KCMF1: variants seen among roughly 807,000 people sequenced by gnomAD.
KCMF1 encodes potassium channel modulatory factor 1, also known as E3 ubiquitin-protein ligase KCMF1.
A neutral mutation model predicts 41.1 loss-of-function variants in KCMF1; 3 were observed. The observed-to-expected ratio is 0.07, with a 90% confidence interval of 0.03 to 0.19. The LOEUF is 0.19. KCMF1 is among the 10% of genes least tolerant of loss of function. The pLI, the probability that KCMF1 is intolerant of heterozygous loss-of-function variation, is 1.00. For missense variants in KCMF1, 286 were observed against 488.9 expected, an observed-to-expected ratio of 0.58 and a Z score of 3.91; for synonymous variants, 142 against 164.5, an observed-to-expected ratio of 0.86 and a Z score of 1.04.
intron 1 of KCMF1, among the ~76,000 whole-genome samples, chr2:84,973,825 C>CTTTTTTTTTTTTTTTTTTTTTTTTT (rs1238178193): frequency 1.1e-4 from 12 of 110,270 alleles, no homozygotes; most frequent in South Asian, 2.8e-4. Flanking sequence ...TTATTTCTTT[C>CTTTTTTTTTTTTTTTTTTTTTTTTT]TTTTTTTTTT....
intron 2 of KCMF1, among the ~76,000 whole-genome samples, chr2:85,028,879 A>G (rs1222180400): frequency 1.3e-5 from 2 of 152,226 alleles, no homozygotes; most frequent in African/African-American, 4.8e-5. Context: ...ACAACTGACA[A>G]GGAATGAAAT....
At position 85,058,889 on chromosome 2, in the gene KCMF1, G is replaced by A. The variant is rs1214336273; in HGVS notation, c.*5480G>A. On this transcript the variant is annotated 3_prime_UTR_variant, in exon 7 of 7. Transcript: ENST00000409785. Reference sequence around the variant, plus strand: ...ATTTAATAGTGAAGCCAGCCCAGAAGCATCCTCTTCTGTAAGCTGGATGGA... The same window carrying A: ...ATTTAATAGTGAAGCCAGCCCAGAAACATCCTCTTCTGTAAGCTGGATGGA... 6.6e-6 allele frequency: 1 copy of A among 152,144 alleles called. No individual in the cohort carries two copies. Among genetic ancestry groups the A allele is most frequent in the Non-Finnish European group, 1.5e-5 (1 of 68,028 alleles). The allele number at this position is 152,144 out of a possible 1,614,324, so 9.4% of individuals were successfully genotyped here.
In KCMF1 at chr2:85,053,253, T is replaced by G; in HGVS notation, c.990T>G (p.Arg330=). ...VQELLLSTLV[R]EESSSSDEDD... is the part of the protein sequence containing the mutation. ...AGCTCCTTCTGTCCACTTTAGTGCG[T>G]GAAGAGAGCTCATCCTCAGATGAGG... Residue 330 remains arginine (R), a synonymous_variant, in exon 7 of 7, where the codon CGT becomes CGG. Coordinates refer to ENST00000409785, the MANE Select transcript of KCMF1 (RefSeq NM_020122.5). 6.2e-7 allele frequency: 1 copy of G among 1,613,906 alleles called. No homozygotes were observed. Among genetic ancestry groups the G allele is most frequent in the African/African-American group, 1.3e-5 (1 of 74,994 alleles).
intron 3 of KCMF1, among the ~76,000 whole-genome samples, chr2:85,037,078 A>C (rs1675422127): frequency 6.6e-6 from 1 of 150,844 alleles, no homozygotes; most frequent in Admixed American, 6.6e-5. Context: ...AAAATTAAAT[A>C]CCCACCACCT....
chr2:85,008,370 CATATGATATATTAT>C (rs1574021382), intron 1 of KCMF1, among the ~76,000 whole-genome samples: 1 of 8,482 alleles, frequency 1.2e-4, no homozygotes, highest in Non-Finnish European at 4.4e-4. Context: ...TATTATATAT[CATATGATATATTAT>C]ATATGATATA....
chr2:85,032,406 C>T (rs759865912), intron 2 of KCMF1, among the ~76,000 whole-genome samples: 4 of 149,948 alleles, frequency 2.7e-5, no homozygotes, highest in Non-Finnish European at 5.9e-5. Context: ...GACAGAGTTT[C>T]GCTCTTGTCA....
intron 1 of KCMF1, among the ~76,000 whole-genome samples, chr2:84,973,825 CTTTT>C (rs1238178193): frequency 3.6e-5 from 4 of 110,278 alleles, no homozygotes; most frequent in Non-Finnish European, 5.6e-5. Context: ...TTATTTCTTT[CTTTT>C]TTTTTTTTTT....
At chr2:84,994,147 A>G (rs1202536781) in intron 1 of KCMF1, among the ~76,000 whole-genome samples, 1 of 150,826 alleles carries the variant, frequency 6.6e-6, no homozygotes, top group Admixed American at 6.6e-5. Context: ...GCGAGGTTTC[A>G]CCATGTTAGC....
chr2:85,043,672 T>A lies in KCMF1; in HGVS notation c.426+7T>A, dbSNP rs1210912841. 6.6e-7 allele frequency: 1 copy of A among 1,526,038 alleles called. No individual in the cohort carries two copies. Among genetic ancestry groups the A allele is most frequent in the Admixed American group, 1.7e-5 (1 of 59,428 alleles). The allele number at this position is 1,526,038 out of a possible 1,614,324, so 94.5% of individuals were successfully genotyped here. The stretch of plus-strand genomic sequence containing the variant: ...CAGAGCCCCTAGAGATTTAATATCC[T>A]TTTAAGAGATGACAAGGAAAAGAGT... On this transcript the variant is annotated splice_region_variant and intron_variant, in intron 4 of 6. Transcript: ENST00000409785.
At chr2:85,017,770 A>G (rs952354287) in intron 1 of KCMF1, among the ~76,000 whole-genome samples, 1 of 152,164 alleles carries the variant, frequency 6.6e-6, no homozygotes, top group Admixed American at 6.5e-5. Flanking sequence ...AACTAATTTT[A>G]TTAAAAAGTA....
intron 1 of KCMF1, among the ~76,000 whole-genome samples, chr2:85,025,299 T>G (rs1675071261): frequency 6.6e-6 from 1 of 152,246 alleles, no homozygotes; most frequent in African/African-American, 2.4e-5. Context: ...TATCTTTGGT[T>G]AGATTTATTC....
intron 1 of KCMF1, among the ~76,000 whole-genome samples, chr2:85,009,223 G>A (rs558035589): frequency 2.0e-5 from 3 of 152,112 alleles, no homozygotes; most frequent in Admixed American, 1.3e-4. Context: ...TTCCCCTTTC[G>A]TGCTGTCTCT....
chr2:85,033,623 T>A (rs758647056), intron 2 of KCMF1, among the ~76,000 whole-genome samples: 4 of 152,104 alleles, frequency 2.6e-5, no homozygotes, highest in Non-Finnish European at 5.9e-5. Flanking sequence ...GGGAGCTAAT[T>A]CAGTCCTGAG....
At chr2:85,028,702 G>A (rs1017411084) in intron 2 of KCMF1, among the ~76,000 whole-genome samples, 1 of 151,452 alleles carries the variant, frequency 6.6e-6, no homozygotes, top group Non-Finnish European at 1.5e-5. Context: ...TGTTAACCAG[G>A]CTGGTCTTGA....
chr2:84,976,723 A>G (rs1399920440), intron 1 of KCMF1, among the ~76,000 whole-genome samples: 1 of 151,922 alleles, frequency 6.6e-6, no homozygotes, highest in Non-Finnish European at 1.5e-5. Flanking sequence ...GAAGATTTTC[A>G]CATGTAAAAA....
intron 2 of KCMF1, among the ~76,000 whole-genome samples, chr2:85,033,722 T>C (rs1021815591): frequency 6.6e-6 from 1 of 152,172 alleles, no homozygotes; most frequent in African/African-American, 2.4e-5. Context: ...CACCACCACA[T>C]TGGAGATGAA....
At chr2:85,009,531 G>GA (rs1217246394) in intron 1 of KCMF1, among the ~76,000 whole-genome samples, 2 of 152,084 alleles carry the variant, frequency 1.3e-5, no homozygotes, top group East Asian at 3.9e-4. Context: ...CTCTGTTCTG[G>GA]AAAGTTTTCT....
chr2:84,975,833 A>G (rs1013557250), intron 1 of KCMF1, among the ~76,000 whole-genome samples: 2 of 152,212 alleles, frequency 1.3e-5, no homozygotes, highest in Non-Finnish European at 1.5e-5. Flanking sequence ...AACTTAACAA[A>G]TTGCTCGCTG....
At chr2:84,998,280 A>C (rs1217464807) in intron 1 of KCMF1, among the ~76,000 whole-genome samples, 1 of 151,202 alleles carries the variant, frequency 6.6e-6, no homozygotes, top group Non-Finnish European at 1.5e-5. Context: ...TTTTTAGTAG[A>C]AACAGGGTTT....
Sources: gnomAD v4.1 joint callset for allele counts (sites outside exome capture counted in the v4.1 genomes callset) on GRCh38, gnomAD v4.1.1 for gene constraint, MANE v1.5 for transcripts, NCBI Gene and HGNC (gene_info 2026-07-23, HGNC 2026-07-21) for gene names.